The following BCAS3 variants were observed in gnomAD, a reference collection of about 807,000 sequenced individuals.
BCAS3 encodes BCAS4/BCAS3 fusion.
BCAS3 carries 53 observed loss-of-function variants against 116.1 expected under a neutral mutation model. The observed-to-expected ratio is 0.46, with a 90% confidence interval of 0.37 to 0.57. The LOEUF is 0.57. Among genes scored for constraint, BCAS3 ranks in the 20% least tolerant of loss-of-function variants. The pLI, the probability that BCAS3 is intolerant of heterozygous loss-of-function variation, is 0.00. For missense variants in BCAS3, 917 were observed against 1,165.4 expected, an observed-to-expected ratio of 0.79 and a Z score of 3.10; for synonymous variants, 391 against 408.2, an observed-to-expected ratio of 0.96 and a Z score of 0.51.
rs2066470105 is a variant in BCAS3, at chr17:61,029,317, A to G, written c.1638-5349A>G. Among the ~76,000 whole-genome samples, 1 of 151,978 alleles carries G rather than the reference A, an allele frequency of 6.6e-6. No homozygotes were observed. Among genetic ancestry groups the G allele is most frequent in the South Asian group, 2.1e-4 (1 of 4,832 alleles). ...CATATACTTTCAGATGAGTCGTTAT[A>G]AAATACAGTCGTTCCCTTTGGTAAC... On this transcript the variant is annotated intron_variant, in intron 16 of 23. Transcript: ENST00000407086. The surrounding 1 kb of genome is among the most constrained non-coding windows in gnomAD (Gnocchi z 5.2).
At chr17:61,190,254 G>A (rs921531607) in intron 22 of BCAS3, among the ~76,000 whole-genome samples, 3 of 151,986 alleles carry the variant, frequency 2.0e-5, no homozygotes, top group Non-Finnish European at 2.9e-5. Flanking sequence ...GGCTGGGTGC[G>A]GTGGCTCACC....
chr17:61,052,567 A>G (rs2068957943), intron 19 of BCAS3, among the ~76,000 whole-genome samples: 1 of 152,190 alleles, frequency 6.6e-6, no homozygotes, highest in African/African-American at 2.4e-5. Flanking sequence ...TTTGGGAATT[A>G]GAAAAGAGAA....
chr17:61,100,725 A>G (rs2074271862), intron 22 of BCAS3, among the ~76,000 whole-genome samples: 1 of 152,200 alleles, frequency 6.6e-6, no homozygotes, highest in Non-Finnish European at 1.5e-5. Flanking sequence ...TGGAACAGTA[A>G]TTACCTCCTC....
chr17:61,015,146 G>A (rs1185371970), intron 15 of BCAS3, among the ~76,000 whole-genome samples: 2 of 152,172 alleles, frequency 1.3e-5, no homozygotes, highest in Non-Finnish European at 2.9e-5. Context: ...GGGGGAACTA[G>A]CAGATTGTGT....
intron 13 of BCAS3, among the ~76,000 whole-genome samples, chr17:60,925,129 C>T (rs2059303934): frequency 6.6e-6 from 1 of 151,926 alleles, no homozygotes; most frequent in Non-Finnish European, 1.5e-5. Flanking sequence ...CTATGCTGCC[C>T]AGGCTGGTCC....
At chr17:61,039,721 A>C (rs1348896986) in intron 18 of BCAS3, among the ~76,000 whole-genome samples, 1 of 152,018 alleles carries the variant, frequency 6.6e-6, no homozygotes, top group Non-Finnish European at 1.5e-5. Context: ...GCGCCGGCCC[A>C]TGAACATATT....
rs2059515503 is a variant in BCAS3, at chr17:61,379,767, C to G, written c.2593+11273C>G. 6.5e-6 allele frequency: 1 copy of G among 152,696 alleles called. No individual in the cohort carries two copies. Among genetic ancestry groups the G allele is most frequent in the African/African-American group, 2.4e-5 (1 of 41,468 alleles). The allele number at this position is 152,696 out of a possible 1,614,324, so 9.5% of individuals were successfully genotyped here. ...AGCCCGCTAGCTTGCAGTTCCACCC[C>G]TCTGCACCCTTCATTGAGTTTTGGG... is the stretch of plus-strand genomic sequence containing the variant. On this transcript the variant is annotated intron_variant, in intron 23 of 23. Coordinates refer to ENST00000407086, the MANE Select transcript of BCAS3 (RefSeq NM_017679.5). The surrounding 1 kb of genome is among the most constrained non-coding windows in gnomAD (Gnocchi z 5.5).
In BCAS3 at chr17:61,309,269, G is replaced by C. The variant is rs73328895; in HGVS notation, c.2426-59058G>C. On this transcript the variant is annotated intron_variant, in intron 22 of 23. Coordinates refer to ENST00000407086, the MANE Select transcript of BCAS3 (RefSeq NM_017679.5). This position sits in a 1 kb window ranked among gnomAD's most constrained non-coding sequence, Gnocchi z 4.6. ...ACCTCAAAATTGTCAAGATGGAAAA[G>C]AGACCCAGAGTCCCCTTTCGTCCTC... is the stretch of plus-strand genomic sequence containing the variant. Among the ~76,000 whole-genome samples the C allele has an allele frequency of 0.033, 4,991 of 152,250 alleles. 199 individuals are homozygous for C. Among genetic ancestry groups the C allele is most frequent in the African/African-American group, 0.093 (3,860 of 41,532 alleles).
rs139696854 is a variant in BCAS3, at chr17:61,116,407, C to T, written c.2425+31843C>T. Reference sequence around the variant, plus strand: ...ACCAATTTGAGTGTAGCCCTTCTTCCGTTTATGTCCCTTTACCATCCTGAT... The same window carrying T: ...ACCAATTTGAGTGTAGCCCTTCTTCTGTTTATGTCCCTTTACCATCCTGAT... On this transcript the variant is annotated intron_variant, in intron 22 of 23. Transcript: ENST00000407086. Among the ~76,000 whole-genome samples, 200 of 152,112 alleles carry T rather than the reference C, an allele frequency of 1.3e-3. 3 individuals carry two copies. In the East Asian group the frequency reaches 0.025, roughly 19 times the overall value.
intron 6 of BCAS3, among the ~76,000 whole-genome samples, chr17:60,802,650 T>C (rs1158839382): frequency 6.6e-6 from 1 of 152,110 alleles, no homozygotes; most frequent in Non-Finnish European, 1.5e-5. Context: ...TTGTCGACTT[T>C]GTTTTTTTGA....
At chr17:61,176,148 AAAAAAAAAAAAAAG>A (rs1200693521) in intron 22 of BCAS3, among the ~76,000 whole-genome samples, 2 of 149,980 alleles carry the variant, frequency 1.3e-5, no homozygotes, top group African/African-American at 4.9e-5. Flanking sequence ...CAAAAAAAAA[AAAAAAAAAAAAAAG>A]AAAAAGAAAA....
chr17:60,792,154 G>A (rs2046826581), intron 6 of BCAS3, among the ~76,000 whole-genome samples: 1 of 152,044 alleles, frequency 6.6e-6, no homozygotes, highest in Non-Finnish European at 1.5e-5. Flanking sequence ...AAAAATCCCC[G>A]TTGTGGCAAT....
rs1171974149 is a variant in BCAS3, at chr17:61,139,761, A to G, written c.2425+55197A>G. 1.3e-5 allele frequency among the ~76,000 whole-genome samples: 2 copies of G among 152,184 alleles called. No homozygotes were observed. The highest frequency in any genetic ancestry group is 6.5e-5 in the Admixed American group (1 of 15,278). ...TTGGAATTCAGTTGATAAAAATACA[A>G]CCCTAGTGACCATAGAATAAGGCAG... is the stretch of plus-strand genomic sequence containing the variant. On this transcript the variant is annotated intron_variant, in intron 22 of 23. Transcript: ENST00000407086. This position sits in a 1 kb window ranked among gnomAD's most constrained non-coding sequence, Gnocchi z 4.7.
At chr17:61,115,410 C>A (rs1242950397) in intron 22 of BCAS3, among the ~76,000 whole-genome samples, 1 of 149,180 alleles carries the variant, frequency 6.7e-6, no homozygotes, top group Non-Finnish European at 1.5e-5. Flanking sequence ...AACAAACAAC[C>A]CCATCAAAAA....
chr17:60,759,232 C>T (rs555820239), intron 6 of BCAS3, among the ~76,000 whole-genome samples: 1 of 152,126 alleles, frequency 6.6e-6, no homozygotes, highest in Non-Finnish European at 1.5e-5. Context: ...TATTTAATGG[C>T]CTTATATAGT....
Position 61,128,823 on chromosome 17 carries a change from G to A in BCAS3, c.2425+44259G>A, listed in dbSNP as rs1454260620. Among the ~76,000 whole-genome samples the A allele has an allele frequency of 1.3e-5, 2 of 152,174 alleles. No individual in the cohort carries two copies. Among genetic ancestry groups the A allele is most frequent in the East Asian group, 3.9e-4 (2 of 5,194 alleles). On this transcript the variant is annotated intron_variant, in intron 22 of 23. Transcript: ENST00000407086. The surrounding 1 kb of genome is among the most constrained non-coding windows in gnomAD (Gnocchi z 4.1). Reference sequence around the variant, plus strand: ...GTCACAAGGTCAAGTGATGATTAGTGATGTAGTCTCTCCTAAACACATGGT... The same window carrying A: ...GTCACAAGGTCAAGTGATGATTAGTAATGTAGTCTCTCCTAAACACATGGT...
At chr17:61,054,907 G>A (rs1295125932) in intron 19 of BCAS3, among the ~76,000 whole-genome samples, 1 of 152,140 alleles carries the variant, frequency 6.6e-6, no homozygotes, top group Admixed American at 6.5e-5. Flanking sequence ...GCTGGGCTAG[G>A]ACATTGATTC....
chr17:61,204,511 A>C lies in BCAS3; in HGVS notation c.2425+119947A>C, dbSNP rs2081017729. Reference sequence around the variant, plus strand: ...TGAGTGGAATATTTTTTAAGCTGAAATACCCATGTTAAAAATAACAAAATG... The same window carrying C: ...TGAGTGGAATATTTTTTAAGCTGAACTACCCATGTTAAAAATAACAAAATG... On this transcript the variant is annotated intron_variant, in intron 22 of 23. Coordinates refer to ENST00000407086, the MANE Select transcript of BCAS3 (RefSeq NM_017679.5). The surrounding 1 kb of genome is among the most constrained non-coding windows in gnomAD (Gnocchi z 4.2). Among the ~76,000 whole-genome samples the C allele has an allele frequency of 6.6e-6, 1 of 152,216 alleles. No individual in the cohort carries two copies. The highest frequency in any genetic ancestry group is 1.5e-5 in the Non-Finnish European group (1 of 68,034).
At chr17:61,385,406 T>C (rs115486994) in intron 23 of BCAS3, among the ~76,000 whole-genome samples, 2,342 of 152,334 alleles carry the variant, frequency 0.015, 59 homozygotes, top group African/African-American at 0.054. Flanking sequence ...GCTGACCAAG[T>C]TGATCGCTTG....
Sources: gnomAD v4.1 joint callset for allele counts (sites outside exome capture counted in the v4.1 genomes callset) on GRCh38, gnomAD v4.1.1 for gene constraint, Gnocchi (gnomAD v3.1) non-coding constraint, MANE v1.5 for transcripts, NCBI Gene and HGNC (gene_info 2026-07-23, HGNC 2026-07-21) for gene names.